Variants in MDGA2 observed in about 807,000 individuals in gnomAD.
The protein encoded by MDGA2 is MAM domain-containing glycosylphosphatidylinositol anchor protein 2.
In MDGA2, 40 loss-of-function variants were observed where a neutral mutation model predicts 117.8. The ratio of observed to expected loss-of-function variants is 0.34; its 90% confidence interval spans 0.26 to 0.44. The LOEUF (loss-of-function observed/expected upper bound fraction) is 0.44, where lower values mean the gene tolerates loss of function less well. MDGA2 is among the 20% of genes least tolerant of loss of function. The pLI is 1.00. For missense variants in MDGA2, 1,123 were observed against 1,250.6 expected, an observed-to-expected ratio of 0.90 and a Z score of 1.54; for synonymous variants, 452 against 439.0, an observed-to-expected ratio of 1.03 and a Z score of -0.37.
rs528715131 is a variant in MDGA2 at position 47,181,424 on chromosome 14, C to T, written c.595+36597G>A. On this transcript the variant is annotated intron_variant, in intron 3 of 16. Transcript: ENST00000399232. ...GGATAAAGAAAATGTGGTACATATACACCATGGAATACTATGCAGTCATAA... is the reference window on the plus strand; with the variant it reads ...GGATAAAGAAAATGTGGTACATATATACCATGGAATACTATGCAGTCATAA... Among the ~76,000 whole-genome samples the T allele has an allele frequency of 1.4e-4, 22 of 152,268 alleles. No individual in the cohort carries two copies. In the East Asian group the frequency reaches 3.9e-3, roughly 27 times the overall value.
intron 1 of MDGA2, among the ~76,000 whole-genome samples, chr14:47,453,370 GACAAATTCAAAGCTCTAAT>G (rs1368121220): frequency 3.9e-5 from 6 of 152,016 alleles, no homozygotes; most frequent in Non-Finnish European, 8.8e-5. Flanking sequence ...TTTTGTCTTT[GACAAATTCAAAGCTCTAAT>G]TGCAGACTTG....
Position 47,038,398 on chromosome 14 carries a change from C to T in MDGA2, c.1526-3094G>A, listed in dbSNP as rs566821630. Among the ~76,000 whole-genome samples, 7 of 152,018 alleles carry T rather than the reference C, an allele frequency of 4.6e-5. No homozygotes were observed. The South Asian group carries it at 6.2e-4, about 14-fold the overall frequency. ...ATTTAAACAACTTATTACATTAGAC[C>T]GTTCAAATCACAATAGATTATTGAC... On this transcript the variant is annotated intron_variant, in intron 7 of 16. Transcript: ENST00000399232.
intron 1 of MDGA2, among the ~76,000 whole-genome samples, chr14:47,428,667 C>G (rs975994517): frequency 2.0e-5 from 3 of 151,930 alleles, no homozygotes; most frequent in Non-Finnish European, 4.4e-5. Flanking sequence ...GAGCTTTTCC[C>G]TATCATTTCT....
chr14:47,341,378 T>C (rs1343741802), intron 1 of MDGA2, among the ~76,000 whole-genome samples: 1 of 152,158 alleles, frequency 6.6e-6, no homozygotes, highest in Admixed American at 6.6e-5. Context: ...AGTGACTAAA[T>C]CTGGATTACT....
chr14:46,870,804 A>T (rs566996823), intron 14 of MDGA2: 2 of 152,126 alleles, frequency 1.3e-5, no homozygotes, highest in East Asian at 3.9e-4. Flanking sequence ...ACTAACAACT[A>T]TTAAGTTAAA....
rs143308510 is a variant in MDGA2, at chr14:47,286,839, A to G, written c.420+14572T>C. Among the ~76,000 whole-genome samples, 806 of 117,990 alleles carry G rather than the reference A, an allele frequency of 6.8e-3. 2 individuals carry two copies. Among genetic ancestry groups the G allele is most frequent in the East Asian group, 0.037 (142 of 3,796 alleles). The allele number at this position is 117,990 out of a possible 152,430, so 77.4% of individuals were successfully genotyped here. The stretch of plus-strand genomic sequence containing the variant: ...TATATATATATACATATATATATGT[A>G]TATATATATATACTTTACTATGATA... On this transcript the variant is annotated intron_variant, in intron 2 of 16. Coordinates refer to ENST00000399232, the MANE Select transcript of MDGA2 (RefSeq NM_001113498.3).
chr14:47,117,661 G>C, intron 5 of MDGA2, among the ~76,000 whole-genome samples: 1 of 152,058 alleles, frequency 6.6e-6, no homozygotes, highest in East Asian at 1.9e-4. Context: ...GAGAAATATT[G>C]CACAATTGCA....
intron 8 of MDGA2, among the ~76,000 whole-genome samples, chr14:47,003,250 C>A (rs1887594573): frequency 6.6e-6 from 1 of 151,948 alleles, no homozygotes; most frequent in Non-Finnish European, 1.5e-5. Flanking sequence ...CTATCACAAC[C>A]AAAGATGCTA....
At chr14:47,455,439 G>A (rs1258828874) in intron 1 of MDGA2, among the ~76,000 whole-genome samples, 2 of 152,182 alleles carry the variant, frequency 1.3e-5, no homozygotes, top group Non-Finnish European at 2.9e-5. Context: ...CCAGGAGGCA[G>A]AGGTTGCAGT....
rs1323435640 is a variant in MDGA2, at chr14:47,241,834, A to G, written c.421-23639T>C. On this transcript the variant is annotated intron_variant, in intron 2 of 16. Coordinates refer to ENST00000399232, the MANE Select transcript of MDGA2 (RefSeq NM_001113498.3). ...GTTTACCTACCAAGAATATTTTTGC[A>G]TAGGGGAACAAAACAAAATAGCTAA... Among the ~76,000 whole-genome samples, 3 of 151,910 alleles carry G rather than the reference A, an allele frequency of 2.0e-5. 1 individual carries two copies. Among genetic ancestry groups the G allele is most frequent in the Non-Finnish European group, 4.4e-5 (3 of 67,880 alleles).
At chr14:46,854,747 T>C (rs1272426277) in intron 15 of MDGA2, among the ~76,000 whole-genome samples, 2 of 151,894 alleles carry the variant, frequency 1.3e-5, no homozygotes, top group African/African-American at 4.8e-5. Context: ...AAGCATGTGA[T>C]TTTATAGAAA....
chr14:47,433,229 A>G (rs1892834200), intron 1 of MDGA2, among the ~76,000 whole-genome samples: 1 of 152,096 alleles, frequency 6.6e-6, no homozygotes, highest in Admixed American at 6.6e-5. Flanking sequence ...ATACTATTAG[A>G]CATAGAAACC....
intron 1 of MDGA2, among the ~76,000 whole-genome samples, chr14:47,634,050 CA>C (rs1157288151): frequency 6.6e-6 from 1 of 152,048 alleles, no homozygotes; most frequent in Non-Finnish European, 1.5e-5. Context: ...AAATAAAGTA[CA>C]TATCTTTTGG....
At chr14:47,073,953 A>G (rs1890390109) in intron 6 of MDGA2, among the ~76,000 whole-genome samples, 1 of 152,128 alleles carries the variant, frequency 6.6e-6, no homozygotes, top group Non-Finnish European at 1.5e-5. Flanking sequence ...GACCTCTTAA[A>G]TTGTGCTCCT....
chr14:47,119,731 A>G (rs1332732651), intron 5 of MDGA2, among the ~76,000 whole-genome samples: 1 of 152,202 alleles, frequency 6.6e-6, no homozygotes, highest in East Asian at 1.9e-4. Context: ...AATAGAAAGA[A>G]TTTAGTCTCT....
intron 9 of MDGA2, among the ~76,000 whole-genome samples, chr14:46,940,114 A>G (rs1226168138): frequency 6.6e-6 from 1 of 151,744 alleles, no homozygotes; most frequent in Non-Finnish European, 1.5e-5. Context: ...GTGAGTATGG[A>G]AACTTAAACT....
chr14:47,354,386 C>G (rs1890947359), intron 1 of MDGA2, among the ~76,000 whole-genome samples: 1 of 152,088 alleles, frequency 6.6e-6, no homozygotes, highest in Non-Finnish European at 1.5e-5. Flanking sequence ...AGAAGCTCAG[C>G]CCCAGAACAA....
At chr14:47,345,121 A>G (rs1019673348) in intron 1 of MDGA2, among the ~76,000 whole-genome samples, 6 of 152,130 alleles carry the variant, frequency 3.9e-5, no homozygotes, top group African/African-American at 7.2e-5. Flanking sequence ...GTTCAAAACC[A>G]ATAAAAAAAG....
At chr14:47,352,552 G>A (rs1027828438) in intron 1 of MDGA2, among the ~76,000 whole-genome samples, 2 of 152,108 alleles carry the variant, frequency 1.3e-5, no homozygotes, top group Non-Finnish European at 2.9e-5. Context: ...TCACATGGAC[G>A]CAACTGACAG....
Sources: allele counts gnomAD v4.1 joint callset (sites outside exome capture counted in the v4.1 genomes callset), GRCh38; gene constraint gnomAD v4.1.1; transcripts MANE v1.5; gene names NCBI Gene and HGNC (gene_info 2026-07-23, HGNC 2026-07-21).